The following HSD17B12 variants were observed in gnomAD, a reference collection of about 807,000 sequenced individuals.
HSD17B12 encodes the protein hydroxysteroid 17-beta dehydrogenase 12.
Under a neutral mutation model 39.3 loss-of-function variants are expected in HSD17B12, and 32 were observed. The ratio of observed to expected loss-of-function variants is 0.81; its 90% confidence interval spans 0.61 to 1.09. The LOEUF is 1.09. Among genes scored for constraint, HSD17B12 ranks in the 50% least tolerant of loss-of-function variants. The pLI is 0.00. For missense variants in HSD17B12, 342 were observed against 382.9 expected, an observed-to-expected ratio of 0.89 and a Z score of 0.89; for synonymous variants, 150 against 146.7, an observed-to-expected ratio of 1.02 and a Z score of -0.16.
At chr11:43,728,639 T>C (rs1950242309) in intron 1 of HSD17B12, among the ~76,000 whole-genome samples, 1 of 152,212 alleles carries the variant, frequency 6.6e-6, no homozygotes, top group Non-Finnish European at 1.5e-5. Context: ...AATCGGATTA[T>C]TTATGAGCTA....
At chr11:43,815,597 G>T in intron 5 of HSD17B12, 96 bp downstream of exon 5, 4 of 686,090 alleles carry the variant, frequency 5.8e-6, no homozygotes, top group Non-Finnish European at 1.0e-5. Flanking sequence ...GCTGCCTGTG[G>T]TTCACACGCT....
chr11:43,574,906 T>C, the HSD17B12 span, among the ~76,000 whole-genome samples: 1 of 152,200 alleles, frequency 6.6e-6, no homozygotes, highest in African/African-American at 2.4e-5. Flanking sequence ...AAGTTATTTA[T>C]TCCAGAATAC....
At chr11:43,820,915 G>A (rs946427247) in intron 6 of HSD17B12, among the ~76,000 whole-genome samples, 2 of 152,184 alleles carry the variant, frequency 1.3e-5, no homozygotes, top group African/African-American at 2.4e-5. Flanking sequence ...ACCTATTTAT[G>A]TTCTGGATCA....
At chr11:43,742,813 AAAT>A (rs1337490097) in intron 1 of HSD17B12, among the ~76,000 whole-genome samples, 1 of 152,102 alleles carries the variant, frequency 6.6e-6, no homozygotes, top group African/African-American at 2.4e-5. Context: ...TTCTCAGAAA[AAAT>A]ATTTACTTGT....
chr11:43,680,752 C>T lies in HSD17B12; in HGVS notation c.-76C>T. ...CGCCTATTAGTGTCATCCTCACCGT[C>T]ACGGCCGGCGCCTCCTCCTGGATTC... On this transcript the variant is annotated 5_prime_UTR_variant, in exon 1 of 11. Transcript: ENST00000278353. The T allele has an allele frequency of 7.3e-7, 1 of 1,364,530 alleles. No homozygotes were observed. Among genetic ancestry groups the T allele is most frequent in the South Asian group, 1.2e-5 (1 of 85,496 alleles). 84.5% of individuals were successfully genotyped at this position (1,364,530 alleles called of 1,614,324 possible). A position where few individuals can be genotyped will look rare whatever the true frequency, so the allele number is the denominator to read the frequency against.
intron 1 of HSD17B12, among the ~76,000 whole-genome samples, chr11:43,741,820 C>G (rs11037591): frequency 6.7e-6 from 1 of 149,550 alleles, no homozygotes; most frequent in Non-Finnish European, 1.5e-5. Flanking sequence ...TGCAACCTCC[C>G]CCTCTTGGGT....
chr11:43,767,202 T>C (rs925173904), intron 3 of HSD17B12, among the ~76,000 whole-genome samples: 1 of 128,946 alleles, frequency 7.8e-6, no homozygotes, highest in African/African-American at 2.6e-5. Flanking sequence ...GTGACTTTTG[T>C]GTAAAAAAAA....
At chr11:43,602,595 A>G in the HSD17B12 span, among the ~76,000 whole-genome samples, 1 of 152,204 alleles carries the variant, frequency 6.6e-6, no homozygotes, top group Non-Finnish European at 1.5e-5. Context: ...AGCACTCAGT[A>G]CATTTTTGTT....
At chr11:43,844,104 A>G (rs538462017) in intron 9 of HSD17B12, among the ~76,000 whole-genome samples, 40 of 152,110 alleles carry the variant, frequency 2.6e-4, no homozygotes, top group Non-Finnish European at 2.4e-4. Flanking sequence ...GACTAATGCT[A>G]TGTGGCCATG....
chr11:43,791,091 G>A (rs1378964633), intron 3 of HSD17B12, among the ~76,000 whole-genome samples: 1 of 152,216 alleles, frequency 6.6e-6, no homozygotes, highest in African/African-American at 2.4e-5. Context: ...AAAGTTCAAA[G>A]GCTTGAGTGA....
chr11:43,707,829 T>G (rs938816973), intron 1 of HSD17B12, among the ~76,000 whole-genome samples: 32 of 152,210 alleles, frequency 2.1e-4, no homozygotes, highest in Non-Finnish European at 4.1e-4. Context: ...AACTAAGTTG[T>G]CTTGGTCAGT....
intron 1 of HSD17B12, among the ~76,000 whole-genome samples, chr11:43,731,870 G>A (rs1461030803): frequency 6.6e-6 from 1 of 152,112 alleles, no homozygotes; most frequent in Non-Finnish European, 1.5e-5. Flanking sequence ...TCCAAAAAAT[G>A]GCAGCATTAG....
intron 3 of HSD17B12, among the ~76,000 whole-genome samples, chr11:43,776,414 T>G (rs1950704629): frequency 6.6e-6 from 1 of 152,164 alleles, no homozygotes; most frequent in South Asian, 2.1e-4. Context: ...TTTTGAGAAG[T>G]GTCTGTTCAT....
the HSD17B12 span, among the ~76,000 whole-genome samples, chr11:43,669,530 C>A: frequency 1.3e-5 from 2 of 151,748 alleles, no homozygotes; most frequent in South Asian, 4.2e-4. Flanking sequence ...GCAATTTATT[C>A]TCTCACAATT....
intron 4 of HSD17B12, among the ~76,000 whole-genome samples, chr11:43,798,663 T>C (rs1288514800): frequency 1.3e-5 from 2 of 152,192 alleles, no homozygotes; most frequent in African/African-American, 2.4e-5. Flanking sequence ...TTATTCTCTG[T>C]GTATATTTAG....
At chr11:43,827,479 A>AC (rs1241548413) in intron 6 of HSD17B12, among the ~76,000 whole-genome samples, 5 of 152,350 alleles carry the variant, frequency 3.3e-5, no homozygotes, top group African/African-American at 1.2e-4. Flanking sequence ...TACTGACGCT[A>AC]CAGGAGTAAA....
chr11:43,754,432 C>T (rs1004810070), intron 3 of HSD17B12, among the ~76,000 whole-genome samples: 1 of 151,758 alleles, frequency 6.6e-6, no homozygotes, highest in Non-Finnish European at 1.5e-5. Context: ...AAAAATTAGC[C>T]GGGTATGGTG....
intron 3 of HSD17B12, among the ~76,000 whole-genome samples, chr11:43,797,201 C>T (rs1437292946): frequency 4.6e-5 from 7 of 152,146 alleles, no homozygotes; most frequent in Admixed American, 1.3e-4. Flanking sequence ...ATACCTCCTA[C>T]GAGGATTAAT....
the HSD17B12 span, among the ~76,000 whole-genome samples, chr11:43,619,230 T>TG: frequency 0.031 from 581 of 18,906 alleles, 15 homozygotes; most frequent in Admixed American, 0.077. Context: ...ATATATATGA[T>TG]ATATATATAT....
Sources: gnomAD v4.1 joint callset for allele counts (sites outside exome capture counted in the v4.1 genomes callset) on GRCh38, gnomAD v4.1.1 for gene constraint, MANE v1.5 for transcripts, NCBI Gene and HGNC (gene_info 2026-07-23, HGNC 2026-07-21) for gene names.